CD163L1: variants seen among roughly 807,000 people sequenced by gnomAD.
CD163L1 encodes the protein CD163 molecule like 1, also known as scavenger receptor cysteine-rich type 1 protein M160.
In CD163L1, 124 loss-of-function variants were observed where a neutral mutation model predicts 165.4. The ratio of observed to expected loss-of-function variants is 0.75; its 90% CI spans 0.65 to 0.87. The LOEUF is 0.87. Ranked by LOEUF, CD163L1 falls within the 40% of genes least tolerant of loss-of-function variation. The pLI is 0.00. For synonymous variants in CD163L1, 585 were observed against 662.2 expected (o/e 0.88, Z 1.79); for missense variants, 1,525 against 1,799.9 (o/e 0.85, Z 2.76).
chr12:7,408,200 G>A (rs1243650164), intron 4 of CD163L1, among the ~76,000 whole-genome samples: 1 of 151,822 alleles, frequency 6.6e-6, no homozygotes, highest in East Asian at 1.9e-4. Flanking sequence ...AAATGAATGA[G>A]ATTTTTTTTA....
the CD163L1 span, chr12:7,320,823 C>A: frequency 1.3e-6 from 2 of 1,575,490 alleles, no homozygotes; most frequent in Non-Finnish European, 1.7e-6. Context: ...GCAGAAATCT[C>A]CATTTGAACC....
At chr12:7,324,522 T>G in the CD163L1 span, 1 of 1,613,954 alleles carries the variant, frequency 6.2e-7, no homozygotes. Flanking sequence ...CCATTTGAAG[T>G]GGAGAGTGCA....
At chr12:7,320,925 G>T in the CD163L1 span, 4 of 867,094 alleles carry the variant, frequency 4.6e-6, no homozygotes, top group Admixed American at 4.1e-5. Flanking sequence ...CTGACATTTT[G>T]AACCGAATAA....
the CD163L1 span, among the ~76,000 whole-genome samples, chr12:7,319,657 G>T: frequency 9.9e-5 from 15 of 151,578 alleles, no homozygotes; most frequent in Admixed American, 7.2e-4. Flanking sequence ...CTCACCTCCT[G>T]CTGTGTGGCC....
At position 7,369,763 on chromosome 12, in the gene CD163L1, A is replaced by G; in HGVS notation, c.3731-98T>C. ...TGAAAGTAGCAAATGTGCTTGATGA[A>G]TATGGGTGTGGTAAGGAAGGCAGAA... On this transcript the variant is annotated intron_variant, in intron 14 of 19. Coordinates refer to ENST00000313599, the MANE Select transcript of CD163L1 (RefSeq NM_174941.6). The surrounding 1 kb of genome is among the most constrained non-coding windows in gnomAD (Gnocchi z 4.9). The G allele has an allele frequency of 2.8e-6, 3 of 1,066,396 alleles. No individual in the cohort carries two copies. In the South Asian group the frequency reaches 4.5e-5, roughly 16 times the overall value. The allele number at this position is 1,066,396 out of a possible 1,614,324, so 66.1% of individuals were successfully genotyped here. A position where few individuals can be genotyped will look rare whatever the true frequency, so the allele number is the denominator to read the frequency against.
chr12:7,322,699 T>C, the CD163L1 span, among the ~76,000 whole-genome samples: 153 of 152,248 alleles, frequency 1.0e-3, no homozygotes, highest in South Asian at 1.7e-3. Context: ...TGCAGATTGC[T>C]CAGTTAGGTT....
intron 8 of CD163L1, among the ~76,000 whole-genome samples, chr12:7,388,154 T>A (rs1947561724): frequency 6.6e-6 from 1 of 152,104 alleles, no homozygotes; most frequent in African/African-American, 2.4e-5. Flanking sequence ...ATGTAACACA[T>A]CAACCTATAA....
the CD163L1 span, chr12:7,324,629 C>T: frequency 6.2e-7 from 1 of 1,604,680 alleles, no homozygotes; most frequent in Non-Finnish European, 8.5e-7. Context: ...AAAGAAGCAA[C>T]ATCATATTTT....
intron 8 of CD163L1, among the ~76,000 whole-genome samples, chr12:7,394,526 A>G (rs1368699487): frequency 1.3e-5 from 2 of 152,232 alleles, no homozygotes; most frequent in African/African-American, 4.8e-5. Flanking sequence ...TCAGGACATA[A>G]GCATGGGCAA....
intron 8 of CD163L1, among the ~76,000 whole-genome samples, chr12:7,383,516 A>G (rs1387671997): frequency 2.0e-5 from 3 of 152,138 alleles, no homozygotes; most frequent in Non-Finnish European, 4.4e-5. Flanking sequence ...TGACCCACCT[A>G]GATCAACTCA....
chr12:7,363,268 C>T (rs1316924390), intron 18 of CD163L1, among the ~76,000 whole-genome samples: 1 of 151,726 alleles, frequency 6.6e-6, no homozygotes, highest in East Asian at 1.9e-4. Context: ...GAGATTGTAC[C>T]CCTGCACTCT....
chr12:7,322,681 CCAAAA>C, the CD163L1 span: 1 of 1,061,018 alleles, frequency 9.4e-7, no homozygotes, highest in Non-Finnish European at 1.3e-6. Context: ...CCAGTAGTTA[CCAAAA>C]CTTGCAGATT....
chr12:7,431,487 C>T (rs1948626856), intron 4 of CD163L1, among the ~76,000 whole-genome samples: 1 of 151,702 alleles, frequency 6.6e-6, no homozygotes, highest in Admixed American at 6.6e-5. Flanking sequence ...TCATTTCCAT[C>T]TGGTGATGTA....
At chr12:7,338,510 G>A in the CD163L1 span, among the ~76,000 whole-genome samples, 1 of 152,260 alleles carries the variant, frequency 6.6e-6, no homozygotes, top group South Asian at 2.1e-4. Context: ...CTTCAACTTA[G>A]ATAACACTTT....
At chr12:7,396,535 A>G (rs781725384) in intron 7 of CD163L1, 120 bp from the exon 8 acceptor site, 47 of 968,148 alleles carry the variant, frequency 4.9e-5, no homozygotes, top group Non-Finnish European at 5.8e-5. Context: ...GGTGCTGTGA[A>G]GGTATTTTTT....
chr12:7,402,451 T>C (rs1033259341), intron 6 of CD163L1, among the ~76,000 whole-genome samples: 2 of 152,048 alleles, frequency 1.3e-5, no homozygotes, highest in Non-Finnish European at 2.9e-5. Context: ...TTTTAGGATA[T>C]CAATAAATAA....
the CD163L1 span, among the ~76,000 whole-genome samples, chr12:7,339,267 A>G: frequency 6.6e-6 from 1 of 152,150 alleles, no homozygotes; most frequent in African/African-American, 2.4e-5. Context: ...GAGCATAAGA[A>G]AGTATCTTGG....
At chr12:7,384,574 A>G (rs1020185223) in intron 8 of CD163L1, among the ~76,000 whole-genome samples, 3 of 152,196 alleles carry the variant, frequency 2.0e-5, no homozygotes, top group Non-Finnish European at 4.4e-5. Context: ...GTGTGCAAGG[A>G]AACCCAGATC....
the CD163L1 span, among the ~76,000 whole-genome samples, chr12:7,328,113 A>ACG: frequency 1.3e-5 from 2 of 152,192 alleles, no homozygotes; most frequent in Non-Finnish European, 2.9e-5. Flanking sequence ...GAGCTACACT[A>ACG]TCACCCTTCC....
Sources: gnomAD v4.1 joint callset for allele counts (sites outside exome capture counted in the v4.1 genomes callset) on GRCh38, gnomAD v4.1.1 for gene constraint, Gnocchi (gnomAD v3.1) non-coding constraint, MANE v1.5 for transcripts, NCBI Gene and HGNC (gene_info 2026-07-23, HGNC 2026-07-21) for gene names.